Variants in NFATC2 observed in about 807,000 individuals in gnomAD.
NFATC2 encodes nuclear factor of activated T-cells, cytoplasmic 2.
NFATC2 carries 22 observed loss-of-function variants against 87.3 expected under a neutral mutation model. That is an observed-to-expected ratio of 0.25 (90% CI 0.18 to 0.36). NFATC2 has a LOEUF of 0.36. Among genes scored for constraint, NFATC2 ranks in the 10% least tolerant of loss-of-function variants. The pLI is 1.00. For missense variants in NFATC2, 1,149 were observed against 1,259.1 expected, an observed-to-expected ratio of 0.91 and a Z score of 1.32; for synonymous variants, 565 against 542.2, an observed-to-expected ratio of 1.04 and a Z score of -0.58.
intron 1 of NFATC2, among the ~76,000 whole-genome samples, chr20:51,549,866 T>G (rs1601011133): frequency 6.6e-6 from 1 of 152,350 alleles, no homozygotes; most frequent in Non-Finnish European, 1.5e-5. Flanking sequence ...TGCACTTGGT[T>G]GAATGCTCTG....
chr20:51,542,319 C>A (rs2076831881), intron 1 of NFATC2, 51 bp downstream of exon 1: 1 of 1,577,710 alleles, frequency 6.3e-7, no homozygotes, highest in Non-Finnish European at 8.6e-7. Context: ...AGTCCCCAGG[C>A]CTGAGCCCCT....
intron 3 of NFATC2, among the ~76,000 whole-genome samples, chr20:51,506,724 C>T (rs1568702293): frequency 2.1e-5 from 3 of 142,550 alleles, no homozygotes; most frequent in African/African-American, 5.4e-5. Context: ...CCTCGGCCTG[C>T]GGACGGGTTG....
chr20:51,421,854 G>A (rs369316355), intron 9 of NFATC2, among the ~76,000 whole-genome samples: 2 of 150,298 alleles, frequency 1.3e-5, no homozygotes, highest in East Asian at 3.9e-4. Flanking sequence ...TCCAAGTGCT[G>A]AAGCAGACCA....
Position 51,391,360 on chromosome 20 carries a change from T to A in NFATC2, c.*136A>T. Reference sequence around the variant, plus strand: ...AGGGGCTGTGGAGGGCTCCGAGGGGTCAGATACAGAAGGTGTCTTGCTATA... The same window carrying A: ...AGGGGCTGTGGAGGGCTCCGAGGGGACAGATACAGAAGGTGTCTTGCTATA... On this transcript the variant is annotated 3_prime_UTR_variant, in exon 11 of 11. Coordinates refer to ENST00000371564, the MANE Select transcript of NFATC2 (RefSeq NM_012340.5). The A allele has an allele frequency of 3.1e-6, 5 of 1,607,956 alleles. No homozygotes were observed. Among genetic ancestry groups the A allele is most frequent in the Non-Finnish European group, 4.3e-6 (5 of 1,175,860 alleles).
chr20:51,540,816 C>T (rs2076805161), intron 1 of NFATC2, among the ~76,000 whole-genome samples: 1 of 151,980 alleles, frequency 6.6e-6, no homozygotes, highest in Non-Finnish European at 1.5e-5. Context: ...CCCCCCACCC[C>T]ACCCGACAAG....
rs1259369892 is a variant in NFATC2 at position 51,387,834 on chromosome 20, G to A, written c.*3662C>T. 1 of 147,200 alleles carries A rather than the reference G, an allele frequency of 6.8e-6. No individual in the cohort carries two copies. The allele number at this position is 147,200 out of a possible 1,614,324, so 9.1% of individuals were successfully genotyped here. A position where few individuals can be genotyped will look rare whatever the true frequency, so the allele number is the denominator to read the frequency against. ...AATGAAAACATTCTTTCAATTCTGA[G>A]CAATAGAAAGCACTTGGAAAGGTCT... On this transcript the variant is annotated 3_prime_UTR_variant, in exon 11 of 11. Transcript: ENST00000371564.
rs997398008 is a variant in NFATC2 at position 51,480,048 on chromosome 20, G to A, written c.1333-4388C>T. Among the ~76,000 whole-genome samples, 1 of 152,190 alleles carries A rather than the reference G, an allele frequency of 6.6e-6. No homozygotes were observed. Among genetic ancestry groups the A allele is most frequent in the African/African-American group, 2.4e-5 (1 of 41,436 alleles). ...CGTGCCTGTAATCCCAGCACTTTGG[G>A]AGGCTGAGGTGGGCAGATCACTTGA... On this transcript the variant is annotated intron_variant, in intron 3 of 10. Coordinates refer to ENST00000371564, the MANE Select transcript of NFATC2 (RefSeq NM_012340.5). The surrounding 1 kb of genome is among the most constrained non-coding windows in gnomAD (Gnocchi z 4.2).
At chr20:51,465,453 A>C (rs2146477074) in intron 5 of NFATC2, among the ~76,000 whole-genome samples, 1 of 152,252 alleles carries the variant, frequency 6.6e-6, no homozygotes, top group East Asian at 1.9e-4. Flanking sequence ...TCCTAATTAG[A>C]ATAAAATCCG....
At chr20:51,476,844 C>G (rs1399659190) in intron 3 of NFATC2, among the ~76,000 whole-genome samples, 3 of 152,188 alleles carry the variant, frequency 2.0e-5, no homozygotes, top group African/African-American at 7.2e-5. Context: ...CCATGAGATA[C>G]CACTTTTCAC....
chr20:51,560,607 A>G (rs1291477348), intron 1 of NFATC2, among the ~76,000 whole-genome samples: 1 of 152,202 alleles, frequency 6.6e-6, no homozygotes, highest in African/African-American at 2.4e-5. Context: ...GAGCATTTGG[A>G]TCAGCCTGTG....
At chr20:51,488,169 G>T (rs142924107) in intron 3 of NFATC2, among the ~76,000 whole-genome samples, 1 of 152,106 alleles carries the variant, frequency 6.6e-6, no homozygotes, top group Non-Finnish European at 1.5e-5. Context: ...AGTCATTCAC[G>T]CAGCAAAGTG....
intron 6 of NFATC2, among the ~76,000 whole-genome samples, chr20:51,436,644 G>A (rs766777823): frequency 1.3e-5 from 2 of 152,154 alleles, no homozygotes; most frequent in Non-Finnish European, 2.9e-5. Context: ...GAACCCAGGA[G>A]GCGGACGTTA....
chr20:51,397,061 T>C (rs1481885089), intron 10 of NFATC2, among the ~76,000 whole-genome samples: 13 of 71,818 alleles, frequency 1.8e-4, no homozygotes, highest in African/African-American at 9.2e-4. Context: ...CCCGGCTAAT[T>C]TTTGTATTTT....
In NFATC2 at chr20:51,390,864, GT is replaced by G. The variant is rs1437218100; in HGVS notation, c.*631del. The G allele has an allele frequency of 1.5e-5, 3 of 197,112 alleles. No individual in the cohort carries two copies. Among genetic ancestry groups the G allele is most frequent in the Admixed American group, 5.3e-5 (1 of 19,020 alleles). The allele number at this position is 197,112 out of a possible 1,614,324, so 12.2% of individuals were successfully genotyped here. On this transcript the variant is annotated 3_prime_UTR_variant, in exon 11 of 11. Coordinates refer to ENST00000371564, the MANE Select transcript of NFATC2 (RefSeq NM_012340.5). ...ACTGGGCGAGCTCTAAGGACTGACA[GT>G]TCAGTTTCTGTCTCTATCGAGGGTT...
intron 3 of NFATC2, among the ~76,000 whole-genome samples, chr20:51,478,091 G>A (rs908646692): frequency 2.0e-5 from 3 of 152,134 alleles, no homozygotes; most frequent in Admixed American, 6.5e-5. Flanking sequence ...AGAGAGGCTG[G>A]GAGTGGAACT....
chr20:51,414,455 G>A (rs771590556), intron 9 of NFATC2, among the ~76,000 whole-genome samples: 4 of 151,640 alleles, frequency 2.6e-5, no homozygotes, highest in South Asian at 2.1e-4. Flanking sequence ...TTGGGAGGCC[G>A]AGGTGGGCGG....
At chr20:51,506,369 AT>A (rs2076179466) in intron 3 of NFATC2, among the ~76,000 whole-genome samples, 1 of 152,176 alleles carries the variant, frequency 6.6e-6, no homozygotes, top group Non-Finnish European at 1.5e-5. Flanking sequence ...ATGCATGACT[AT>A]TGCTAGAGTC....
At chr20:51,481,354 C>T (rs531190293) in intron 3 of NFATC2, among the ~76,000 whole-genome samples, 2 of 152,158 alleles carry the variant, frequency 1.3e-5, no homozygotes, top group African/African-American at 4.8e-5. Context: ...CCTTTTCAGG[C>T]TTCTCCAAAG....
chr20:51,555,775 C>T (rs1056903323), intron 1 of NFATC2, among the ~76,000 whole-genome samples: 1 of 152,130 alleles, frequency 6.6e-6, no homozygotes, highest in Non-Finnish European at 1.5e-5. Context: ...TTCCTCCAGA[C>T]ATCTTTCAGG....
Sources: allele counts gnomAD v4.1 joint callset (sites outside exome capture counted in the v4.1 genomes callset), GRCh38; gene constraint gnomAD v4.1.1; non-coding constraint Gnocchi (gnomAD v3.1); transcripts MANE v1.5; gene names NCBI Gene and HGNC (gene_info 2026-07-23, HGNC 2026-07-21).